The following TRPS1 variants were observed in gnomAD, a reference collection of about 807,000 sequenced individuals.
The protein encoded by TRPS1 is transcriptional repressor GATA binding 1.
Under a neutral mutation model 101.2 loss-of-function variants are expected in TRPS1, and 6 were observed. That is an observed-to-expected ratio of 0.06 (90% CI 0.03 to 0.12). TRPS1 has a LOEUF of 0.12. Among genes scored for constraint, TRPS1 ranks in the 10% least tolerant of loss-of-function variants. The pLI is 1.00. For synonymous variants in TRPS1, 578 were observed against 589.8 expected (o/e 0.98, Z 0.29); for missense variants, 1,363 against 1,567.0 (o/e 0.87, Z 2.20).
chr8:115,567,445 C>T (rs1817095263), intron 5 of TRPS1, among the ~76,000 whole-genome samples: 1 of 151,984 alleles, frequency 6.6e-6, no homozygotes, highest in Non-Finnish European at 1.5e-5. Context: ...GTGCACTGTC[C>T]TTGACACAGC....
At chr8:115,521,932 T>C (rs756022366) in intron 5 of TRPS1, among the ~76,000 whole-genome samples, 5 of 151,982 alleles carry the variant, frequency 3.3e-5, no homozygotes, top group Non-Finnish European at 7.4e-5. Flanking sequence ...AATGTCCTCA[T>C]GAAGAGACGA....
intron 5 of TRPS1, among the ~76,000 whole-genome samples, chr8:115,574,676 T>C (rs1817276952): frequency 6.6e-6 from 1 of 152,114 alleles, no homozygotes; most frequent in African/African-American, 2.4e-5. Context: ...ATCAACTTCA[T>C]GTGCTCACCA....
chr8:115,547,113 A>T (rs556854498), intron 5 of TRPS1, among the ~76,000 whole-genome samples: 1 of 152,336 alleles, frequency 6.6e-6, no homozygotes, highest in Admixed American at 6.5e-5. Context: ...TAAGAAATAT[A>T]TCAAATGGTA....
intron 5 of TRPS1, among the ~76,000 whole-genome samples, chr8:115,449,075 T>C (rs1379351914): frequency 2.6e-5 from 4 of 152,198 alleles, no homozygotes; most frequent in African/African-American, 7.2e-5. Context: ...TCTAACCTAT[T>C]ATAATATTTG....
chr8:115,462,872 T>C (rs140142872), intron 5 of TRPS1, among the ~76,000 whole-genome samples: 4 of 152,208 alleles, frequency 2.6e-5, no homozygotes, highest in African/African-American at 4.8e-5. Context: ...AATGGGGATA[T>C]AGCATGATGA....
chr8:115,534,249 C>G (rs190344906), intron 5 of TRPS1, among the ~76,000 whole-genome samples: 4 of 149,946 alleles, frequency 2.7e-5, no homozygotes, highest in Admixed American at 1.3e-4. Context: ...GCTCTAACCC[C>G]GATACCATCA....
chr8:115,645,653 G>C (rs1474851667), intron 1 of TRPS1, among the ~76,000 whole-genome samples: 8 of 151,900 alleles, frequency 5.3e-5, no homozygotes. Flanking sequence ...GAAATCCCTG[G>C]GTATCAAAAA....
At chr8:115,573,831 T>C (rs1053342196) in intron 5 of TRPS1, among the ~76,000 whole-genome samples, 7 of 152,184 alleles carry the variant, frequency 4.6e-5, no homozygotes, top group African/African-American at 1.7e-4. Context: ...AAATGCCCCT[T>C]GTAATCTTAC....
At chr8:115,498,706 T>C (rs1347637896) in intron 5 of TRPS1, among the ~76,000 whole-genome samples, 1 of 151,932 alleles carries the variant, frequency 6.6e-6, no homozygotes, top group Non-Finnish European at 1.5e-5. Context: ...AAACTTTGCC[T>C]GAAAACACTA....
At chr8:115,589,900 T>G (rs1817642977) in intron 4 of TRPS1, among the ~76,000 whole-genome samples, 1 of 152,180 alleles carries the variant, frequency 6.6e-6, no homozygotes, top group Non-Finnish European at 1.5e-5. Flanking sequence ...GCAGATCACC[T>G]GAGGTCAGAA....
chr8:115,588,945 A>G (rs1053457240), intron 4 of TRPS1, among the ~76,000 whole-genome samples: 6 of 152,216 alleles, frequency 3.9e-5, no homozygotes, highest in African/African-American at 1.2e-4. Flanking sequence ...GAAGTTTCAC[A>G]TGACTATAAG....
intron 5 of TRPS1, among the ~76,000 whole-genome samples, chr8:115,580,044 A>G (rs1039838611): frequency 3.3e-5 from 5 of 152,016 alleles, no homozygotes; most frequent in African/African-American, 9.7e-5. Flanking sequence ...TGCTTCTCCA[A>G]AAGGAAAAAG....
chr8:115,414,320 C>T lies in TRPS1; in HGVS notation c.3588G>A (p.Glu1196=). ...PGPTANGASK[E]KTKAPPNVKN... is the part of the protein sequence containing the mutation. Reference sequence around the variant, plus strand: ...TTACATTTGGTGGTGCCTTCGTTTTCTCCTTGGAGGCACCGTTTGCAGTTG... The same window carrying T: ...TTACATTTGGTGGTGCCTTCGTTTTTTCCTTGGAGGCACCGTTTGCAGTTG... Residue 1196 remains glutamate (E), a synonymous_variant, in exon 7 of 7, where the codon GAG becomes GAA. Coordinates refer to ENST00000395715, the MANE Select transcript of TRPS1 (RefSeq NM_014112.5). This position sits in a 1 kb window ranked among gnomAD's most constrained non-coding sequence, Gnocchi z 4.8. 5 of 1,613,978 alleles carry T rather than the reference C, an allele frequency of 3.1e-6. No homozygotes were observed. Among genetic ancestry groups the T allele is most frequent in the Non-Finnish European group, 4.2e-6 (5 of 1,179,948 alleles).
intron 5 of TRPS1, among the ~76,000 whole-genome samples, chr8:115,428,952 A>G (rs1238524190): frequency 1.3e-5 from 2 of 152,314 alleles, no homozygotes; most frequent in African/African-American, 2.4e-5. Flanking sequence ...TGTGACCACT[A>G]TTGGTGAAAC....
intron 1 of TRPS1, among the ~76,000 whole-genome samples, chr8:115,658,858 G>C (rs1811734579): frequency 6.6e-6 from 1 of 152,070 alleles, no homozygotes; most frequent in Admixed American, 6.5e-5. Flanking sequence ...GAAGGTGCAA[G>C]ATTGTGTACA....
chr8:115,458,398 T>G (rs1586293786), intron 5 of TRPS1, among the ~76,000 whole-genome samples: 1 of 152,136 alleles, frequency 6.6e-6, no homozygotes, highest in South Asian at 2.1e-4. Flanking sequence ...ATCATATAAT[T>G]AATAACAATT....
At chr8:115,665,430 G>A (rs879693080) in intron 1 of TRPS1, among the ~76,000 whole-genome samples, 1 of 152,094 alleles carries the variant, frequency 6.6e-6, no homozygotes, top group African/African-American at 2.4e-5. Context: ...CGTAAAAGCT[G>A]CTTTTCTACA....
chr8:115,516,171 A>T (rs1815705633), intron 5 of TRPS1, among the ~76,000 whole-genome samples: 1 of 80,216 alleles, frequency 1.2e-5, no homozygotes, highest in African/African-American at 4.9e-5. Context: ...ACCAATTTTT[A>T]AGAAAATTAT....
intron 3 of TRPS1, among the ~76,000 whole-genome samples, chr8:115,608,068 T>A (rs979578225): frequency 6.6e-6 from 1 of 152,180 alleles, no homozygotes; most frequent in South Asian, 2.1e-4. Context: ...CTGGAAACAG[T>A]GCCTACACGT....
Sources: allele counts gnomAD v4.1 joint callset (sites outside exome capture counted in the v4.1 genomes callset), GRCh38; gene constraint gnomAD v4.1.1; non-coding constraint Gnocchi (gnomAD v3.1); transcripts MANE v1.5; gene names NCBI Gene and HGNC (gene_info 2026-07-23, HGNC 2026-07-21).